The following NDST4 variants were observed in gnomAD, a reference collection of about 807,000 sequenced individuals.
NDST4 encodes N-heparan sulfate sulfotransferase 4.
A neutral mutation model predicts 100.8 loss-of-function variants in NDST4; 63 were observed. The ratio of observed to expected loss-of-function variants is 0.62; its 90% CI spans 0.51 to 0.77. The LOEUF (loss-of-function observed/expected upper bound fraction) is 0.77. Ranked by LOEUF, NDST4 falls within the 30% of genes least tolerant of loss-of-function variation. The pLI, the probability that NDST4 is intolerant of heterozygous loss-of-function variation, is 0.00. For synonymous variants in NDST4, 377 were observed against 361.8 expected, an observed-to-expected ratio of 1.04 and a Z score of -0.48; for missense variants, 943 against 1,018.4, an observed-to-expected ratio of 0.93 and a Z score of 1.01.
intron 2 of NDST4, among the ~76,000 whole-genome samples, chr4:115,073,115 G>T (rs1178279751): frequency 6.6e-6 from 1 of 151,962 alleles, no homozygotes; most frequent in Non-Finnish European, 1.5e-5. Flanking sequence ...ACCATAATGA[G>T]ATATCACATC....
At position 114,845,790 on chromosome 4, in the gene NDST4, A is replaced by T. The variant is rs374688610; in HGVS notation, c.2115+33T>A. 1.5e-5 allele frequency: 24 copies of T among 1,575,970 alleles called. No individual in the cohort carries two copies. The African/African-American group carries it at 3.1e-4, about 20-fold the overall frequency. Reference sequence around the variant, plus strand: ...ATTGCCTCCATTTAAGCTATAACAAAATGCTTTTAGCCGATTTTTTTACTG... The same window carrying T: ...ATTGCCTCCATTTAAGCTATAACAATATGCTTTTAGCCGATTTTTTTACTG... On this transcript the variant is annotated intron_variant, in intron 10 of 13. Transcript: ENST00000264363.
At chr4:114,873,799 T>C (rs1404741855) in intron 6 of NDST4, among the ~76,000 whole-genome samples, 1 of 152,164 alleles carries the variant, frequency 6.6e-6, no homozygotes, top group Non-Finnish European at 1.5e-5. Context: ...AGGATAATTA[T>C]GGTTTTCCAG....
Position 114,839,434 on chromosome 4 carries a change from G to C in NDST4, c.2230C>G (p.Pro744Ala). Residue 744 changes from proline (P) to alanine (A), a missense_variant, in exon 11 of 14, where the codon CCT (proline) becomes GCT (alanine). Physicochemically the swap from Pro to Ala is conservative, Grantham distance 27 (BLOSUM62 -1). Transcript: ENST00000264363. ...TCTATGTGGACTGCATACCATCCAG[G>C]TACTAGGCATCTTCTCTGCAAAGTT... Reference protein sequence around the residue: ...LKTLQRRCLVPGWYAVHIERW... With the variant: ...LKTLQRRCLVAGWYAVHIERW... 1 of 1,613,852 alleles carries C rather than the reference G, an allele frequency of 6.2e-7. No homozygotes were observed. Among genetic ancestry groups the C allele is most frequent in the South Asian group, 1.1e-5 (1 of 91,048 alleles).
At chr4:115,060,774 G>C (rs1185190947) in intron 2 of NDST4, among the ~76,000 whole-genome samples, 1 of 151,536 alleles carries the variant, frequency 6.6e-6, no homozygotes, top group Admixed American at 6.6e-5. Context: ...GATACACAAA[G>C]TTACTTTGTT....
intron 2 of NDST4, among the ~76,000 whole-genome samples, chr4:114,978,470 C>T (rs17486843): frequency 6.6e-6 from 1 of 151,836 alleles, no homozygotes; most frequent in African/African-American, 2.4e-5. Flanking sequence ...TTATCATGTT[C>T]AACATTATTA....
chr4:114,996,649 T>G (rs1385682558), intron 2 of NDST4, among the ~76,000 whole-genome samples: 6 of 152,022 alleles, frequency 3.9e-5, no homozygotes, highest in Non-Finnish European at 1.5e-5. Context: ...CAGAGAATGG[T>G]CAGCCAAAAA....
At position 114,919,807 on chromosome 4, in the gene NDST4, G is replaced by A. The variant is rs552210362; in HGVS notation, c.1536+15399C>T. On this transcript the variant is annotated intron_variant, in intron 6 of 13. Coordinates refer to ENST00000264363, the MANE Select transcript of NDST4 (RefSeq NM_022569.3). ...GAGATAGCAATTTTTCTGGGAGAGA[G>A]AAAACAGATGCCTTGTCTTGCAGGG... is the stretch of plus-strand genomic sequence containing the variant. Among the ~76,000 whole-genome samples the A allele has an allele frequency of 2.1e-4, 32 of 152,320 alleles. No individual in the cohort carries two copies. The South Asian group carries it at 4.8e-3, about 23-fold the overall frequency.
At chr4:115,000,761 T>A (rs772581021) in intron 2 of NDST4, among the ~76,000 whole-genome samples, 4 of 152,104 alleles carry the variant, frequency 2.6e-5, no homozygotes, top group Non-Finnish European at 5.9e-5. Flanking sequence ...TCCATTATGA[T>A]CTTTGATTGT....
chr4:115,063,929 C>CATTA lies in NDST4; in HGVS notation c.978+12126_978+12129dup, dbSNP rs369824069. ...TGACTAGTGAAATGGAACTCATGGA[C>CATTA]ATTAATTGTCTTCTTCCCTGGTGTT... On this transcript the variant is annotated intron_variant, in intron 2 of 13. Transcript: ENST00000264363. Among the ~76,000 whole-genome samples, 198 of 151,892 alleles carry CATTA rather than the reference C, an allele frequency of 1.3e-3. 1 individual carries two copies. Among genetic ancestry groups the CATTA allele is most frequent in the African/African-American group, 4.5e-3 (186 of 41,452 alleles).
chr4:114,940,054 C>A (rs954991418), intron 4 of NDST4, among the ~76,000 whole-genome samples: 2 of 152,040 alleles, frequency 1.3e-5, no homozygotes, highest in Admixed American at 1.3e-4. Flanking sequence ...ACAAAAATTA[C>A]AAAATTTGAA....
chr4:115,023,260 C>T (rs1727899891), intron 2 of NDST4, among the ~76,000 whole-genome samples: 1 of 152,006 alleles, frequency 6.6e-6, no homozygotes, highest in Non-Finnish European at 1.5e-5. Context: ...CCAAGGCAGG[C>T]AGATCACTTG....
intron 2 of NDST4, among the ~76,000 whole-genome samples, chr4:115,017,424 T>A (rs902934126): frequency 6.6e-6 from 1 of 152,054 alleles, no homozygotes; most frequent in Non-Finnish European, 1.5e-5. Flanking sequence ...ATTACAGATA[T>A]TATTTCTTCA....
At chr4:114,980,979 G>A (rs1047670609) in intron 2 of NDST4, among the ~76,000 whole-genome samples, 1 of 152,098 alleles carries the variant, frequency 6.6e-6, no homozygotes, top group African/African-American at 2.4e-5. Context: ...TTGGGAAGCT[G>A]AGCTGGGAGG....
chr4:115,068,674 G>A (rs1375075645), intron 2 of NDST4, among the ~76,000 whole-genome samples: 22 of 150,418 alleles, frequency 1.5e-4, no homozygotes, highest in Admixed American at 3.3e-4. Flanking sequence ...AAAATTAGCC[G>A]GGTGTGGTGG....
chr4:114,960,370 G>A lies in NDST4; in HGVS notation c.1221+10060C>T, dbSNP rs572922532. Among the ~76,000 whole-genome samples the A allele has an allele frequency of 7.0e-4, 107 of 152,164 alleles. 1 individual carries two copies. The highest frequency in any genetic ancestry group is 5.8e-4 in the East Asian group (3 of 5,172). ...TGCCTGTATTACCAGCACTTTGGGA[G>A]GCCAACGCGGGCAGATCATGAGGTC... On this transcript the variant is annotated intron_variant, in intron 4 of 13. Coordinates refer to ENST00000264363, the MANE Select transcript of NDST4 (RefSeq NM_022569.3).
At chr4:115,070,888 T>A (rs515976) in intron 2 of NDST4, among the ~76,000 whole-genome samples, 1 of 151,836 alleles carries the variant, frequency 6.6e-6, no homozygotes, top group Admixed American at 6.6e-5. Context: ...GTGAATCACT[T>A]GAAGTCAGAA....
intron 6 of NDST4, among the ~76,000 whole-genome samples, chr4:114,890,860 G>A (rs1346375965): frequency 1.3e-5 from 2 of 151,962 alleles, no homozygotes; most frequent in African/African-American, 4.8e-5. Flanking sequence ...GTCTCTTTAT[G>A]CTAAAATTGG....
chr4:115,047,390 A>C (rs1215522235), intron 2 of NDST4, among the ~76,000 whole-genome samples: 1 of 152,158 alleles, frequency 6.6e-6, no homozygotes, highest in Non-Finnish European at 1.5e-5. Context: ...ATTTACCAAA[A>C]GAATACCATG....
Position 114,961,969 on chromosome 4 carries a change from T to C in NDST4, c.1221+8461A>G, listed in dbSNP as rs573437229. Among the ~76,000 whole-genome samples the C allele has an allele frequency of 7.9e-5, 12 of 152,120 alleles. No individual in the cohort carries two copies. The South Asian group carries it at 2.3e-3, about 29-fold the overall frequency. On this transcript the variant is annotated intron_variant, in intron 4 of 13. Coordinates refer to ENST00000264363, the MANE Select transcript of NDST4 (RefSeq NM_022569.3). Reference sequence around the variant, plus strand: ...GCACTAGCAATCAAACTCAATAATATACAAAACTGATTATATGCAATAACA... The same window carrying C: ...GCACTAGCAATCAAACTCAATAATACACAAAACTGATTATATGCAATAACA...
Sources: allele counts gnomAD v4.1 joint callset (sites outside exome capture counted in the v4.1 genomes callset), GRCh38; gene constraint gnomAD v4.1.1; transcripts MANE v1.5; gene names NCBI Gene and HGNC (gene_info 2026-07-23, HGNC 2026-07-21).